Variants in ZNF30 observed in about 807,000 individuals in gnomAD.
ZNF30 encodes the protein zinc finger protein 30, also known as zinc finger protein 30 (KOX 28).
Under a neutral mutation model 13.2 loss-of-function variants are expected in ZNF30, and 15 were observed. The ratio of observed to expected loss-of-function variants is 1.13; its 90% confidence interval spans 0.76 to 1.75. ZNF30 has a LOEUF of 1.75. Among genes scored for constraint, ZNF30 ranks in the 40% most tolerant of loss-of-function variants. The probability of loss-of-function intolerance (pLI) is 0.00; values close to 1 mark genes in which losing one functional copy is unlikely to be tolerated. For missense variants in ZNF30, 726 were observed against 757.0 expected (o/e 0.96, Z 0.48); for synonymous variants, 223 against 256.6 (o/e 0.87, Z 1.25).
chr19:34,940,667 C>CAAA (rs59553578), intron 4 of ZNF30, among the ~76,000 whole-genome samples: 19 of 63,888 alleles, frequency 3.0e-4, no homozygotes, highest in Non-Finnish European at 4.7e-4. Flanking sequence ...GACTCCGTCT[C>CAAA]AAAAAAAAAA....
At chr19:34,936,045 A>G (rs900880288) in intron 4 of ZNF30, among the ~76,000 whole-genome samples, 3 of 152,224 alleles carry the variant, frequency 2.0e-5, no homozygotes, top group Non-Finnish European at 4.4e-5. Context: ...TGAGAACAGT[A>G]TGGGGGAAAC....
At chr19:34,924,504 T>G (rs2151658559), upstream of ZNF30, among the ~76,000 whole-genome samples, 1 of 152,304 alleles carries the variant, frequency 6.6e-6, no homozygotes, top group Admixed American at 6.5e-5. Context: ...GAGCACATTG[T>G]ACATAATTTG....
intron 4 of ZNF30, among the ~76,000 whole-genome samples, chr19:34,934,701 G>A (rs191154336): frequency 1.3e-5 from 2 of 152,104 alleles, no homozygotes; most frequent in African/African-American, 4.8e-5. Flanking sequence ...AGCTTGATGA[G>A]TTATTATGAG....
intron 4 of ZNF30, among the ~76,000 whole-genome samples, chr19:34,941,423 C>G (rs1568543077): frequency 1.3e-5 from 2 of 152,198 alleles, no homozygotes; most frequent in Non-Finnish European, 2.9e-5. Context: ...CGCCACCATG[C>G]CCAGCTAATT....
At chr19:34,943,175 AT>A (rs201651049) in intron 4 of ZNF30, 47 bp from the exon 5 acceptor site, 278 of 1,363,302 alleles carry the variant, frequency 2.0e-4, no homozygotes, top group Non-Finnish European at 2.6e-4. Context: ...CTTCCCTAGA[AT>A]TTTTTTTCAA....
chr19:34,940,054 A>AG lies in ZNF30; in HGVS notation c.257-3169_257-3168insG, dbSNP rs2012955740. 2.0e-5 allele frequency among the ~76,000 whole-genome samples: 3 copies of AG among 152,238 alleles called. No homozygotes were observed. In the East Asian group the frequency reaches 5.8e-4, roughly 29 times the overall value. On this transcript the variant is annotated intron_variant, in intron 4 of 4. Transcript: ENST00000601142. ...TTTTGAAGGCCTTTAAGAAAGACTA[A>AG]ATGTCATGAAATACTAATTCTTACA...
At chr19:34,939,961 A>G (rs1413947682) in intron 4 of ZNF30, among the ~76,000 whole-genome samples, 1 of 152,258 alleles carries the variant, frequency 6.6e-6, no homozygotes, top group Non-Finnish European at 1.5e-5. Flanking sequence ...AAGGTGTAGT[A>G]GAGCCCTAAT....
At chr19:34,940,782 C>T (rs1328499774) in intron 4 of ZNF30, among the ~76,000 whole-genome samples, 1 of 151,676 alleles carries the variant, frequency 6.6e-6, no homozygotes, top group East Asian at 1.9e-4. Flanking sequence ...ATAGACAAAT[C>T]CTAAGAGAAT....
upstream of ZNF30, chr19:34,926,716 T>C: frequency 2.6e-6 from 1 of 385,482 alleles, no homozygotes; most frequent in Non-Finnish European, 4.6e-6. Flanking sequence ...TTTTTGTTTT[T>C]GCTTTTTCTG....
chr19:34,930,911 T>C (rs971522320), intron 2 of ZNF30, among the ~76,000 whole-genome samples: 1 of 152,104 alleles, frequency 6.6e-6, no homozygotes, highest in African/African-American at 2.4e-5. Context: ...TGAAGGATCT[T>C]GTATGACACT....
chr19:34,939,731 G>A (rs1231470290), intron 4 of ZNF30, among the ~76,000 whole-genome samples: 4 of 152,200 alleles, frequency 2.6e-5, no homozygotes, highest in East Asian at 1.9e-4. Flanking sequence ...ATGCCACAGC[G>A]TTATTTCACT....
upstream of ZNF30, among the ~76,000 whole-genome samples, chr19:34,924,341 T>G (rs2011995833): frequency 6.6e-6 from 1 of 152,218 alleles, no homozygotes; most frequent in African/African-American, 2.4e-5. Context: ...ACTAATCTAT[T>G]TTATTTCTAC....
chr19:34,944,455 T>C lies in ZNF30; in HGVS notation c.1489T>C (p.Ser497Pro), dbSNP rs531926619. Residue 497 changes from serine (S) to proline (P), a missense_variant, in exon 5 of 5, where the codon TCG (serine) becomes CCG (proline). Ser to Pro is a moderately conservative substitution (Grantham distance 74). Transcript: ENST00000601142. ...ATGTGGAAAGACTTTTAGTCGAGCC[T>C]CGTACCTTGTACAACATAGCAGAAT... ...KECGKTFSRA[S>P]YLVQHSRIHT... The C allele has an allele frequency of 1.5e-5, 24 of 1,613,286 alleles. No homozygotes were observed. Among genetic ancestry groups the C allele is most frequent in the Non-Finnish European group, 2.0e-5 (24 of 1,179,872 alleles).
At chr19:34,938,348 C>G (rs1346182070) in intron 4 of ZNF30, among the ~76,000 whole-genome samples, 1 of 152,056 alleles carries the variant, frequency 6.6e-6, no homozygotes, top group Non-Finnish European at 1.5e-5. Flanking sequence ...ACCTTGTATC[C>G]TATCAGTCTC....
In ZNF30 at chr19:34,935,452, C is replaced by T. The variant is rs192640613; in HGVS notation, c.256+1729C>T. 9.7e-4 allele frequency among the ~76,000 whole-genome samples: 148 copies of T among 152,196 alleles called. 1 individual carries two copies. Among genetic ancestry groups the T allele is most frequent in the African/African-American group, 3.0e-3 (125 of 41,540 alleles). On this transcript the variant is annotated intron_variant, in intron 4 of 4. Transcript: ENST00000601142. ...TCACCTCTAGCCACTTCAAACTTTG[C>T]CAGGGATCCCATATTCTCACTCCCA...
At chr19:34,925,057 T>A (rs528802340), upstream of ZNF30, among the ~76,000 whole-genome samples, 1 of 152,276 alleles carries the variant, frequency 6.6e-6, no homozygotes, top group South Asian at 2.1e-4. Flanking sequence ...GATGGGGGTG[T>A]GGCTCGCTTC....
At position 34,927,111 on chromosome 19, in the gene ZNF30, TC is replaced by T. The variant is rs2012111871; in HGVS notation, c.-168del. 2.5e-6 allele frequency: 1 copy of T among 397,816 alleles called. No individual in the cohort carries two copies. Among genetic ancestry groups the T allele is most frequent in the African/African-American group, 2.1e-5 (1 of 48,616 alleles). 24.6% of individuals were successfully genotyped at this position (397,816 alleles called of 1,614,324 possible). On this transcript the variant is annotated 5_prime_UTR_variant, in exon 1 of 5. Coordinates refer to ENST00000601142, the MANE Select transcript of ZNF30 (RefSeq NM_194325.3). Reference sequence around the variant, plus strand: ...ATCGAGGGAGAAGTCAGCGCCCAGCTCCGAGGTTGGAGCAGCCCCGCCGGGC... The same window carrying T: ...ATCGAGGGAGAAGTCAGCGCCCAGCTCGAGGTTGGAGCAGCCCCGCCGGGC...
At position 34,944,889 on chromosome 19, in the gene ZNF30, A is replaced by C. The variant is rs918205200; in HGVS notation, c.*51A>C. On this transcript the variant is annotated 3_prime_UTR_variant, in exon 5 of 5. Coordinates refer to ENST00000601142, the MANE Select transcript of ZNF30 (RefSeq NM_194325.3). Reference sequence around the variant, plus strand: ...TCGTGTGTGGCTCAAACATTGTTGAACATCGGGGAATTTATGCTGGTAGGA... The same window carrying C: ...TCGTGTGTGGCTCAAACATTGTTGACCATCGGGGAATTTATGCTGGTAGGA... 1 of 1,480,622 alleles carries C rather than the reference A, an allele frequency of 6.8e-7. No individual in the cohort carries two copies. Among genetic ancestry groups the C allele is most frequent in the African/African-American group, 1.4e-5 (1 of 71,478 alleles). The allele number at this position is 1,480,622 out of a possible 1,614,324, so 91.7% of individuals were successfully genotyped here.
At position 34,929,962 on chromosome 19, in the gene ZNF30, T is replaced by C. The variant is rs1309784554; in HGVS notation, c.9+6T>C. 6.2e-7 allele frequency: 1 copy of C among 1,605,366 alleles called. No homozygotes were observed. The highest frequency in any genetic ancestry group is 8.5e-7 in the Non-Finnish European group (1 of 1,175,518). ...ATTCTCAAAGCATGGCCCATGTAAG[T>C]TGGTGTTTCTTCTTGAAATATGGGG... On this transcript the variant is annotated splice_donor_region_variant and intron_variant, in intron 2 of 4. Transcript: ENST00000601142.
Sources: allele counts gnomAD v4.1 joint callset (sites outside exome capture counted in the v4.1 genomes callset), GRCh38; gene constraint gnomAD v4.1.1; transcripts MANE v1.5; gene names NCBI Gene and HGNC (gene_info 2026-07-23, HGNC 2026-07-21).